OXSR1: variants seen among roughly 807,000 people sequenced by gnomAD.
The protein encoded by OXSR1 is oxidative stress responsive kinase 1, also known as serine/threonine-protein kinase OSR1.
OXSR1 carries 24 observed loss-of-function variants against 79.8 expected under a neutral mutation model. That is an observed-to-expected ratio of 0.30 (90% CI 0.22 to 0.42). The LOEUF (loss-of-function observed/expected upper bound fraction) is 0.42, where lower values mean the gene tolerates loss of function less well. OXSR1 is among the 10% of genes least tolerant of loss of function. OXSR1 has a pLI of 1.00. For synonymous variants in OXSR1, 226 were observed against 209.2 expected (o/e 1.08, Z -0.69); for missense variants, 430 against 618.4 (o/e 0.70, Z 3.23).
chr3:38,229,797 T>C lies in OXSR1; in HGVS notation c.885+62T>C, dbSNP rs188939821. 1.0e-4 allele frequency: 123 copies of C among 1,221,116 alleles called. No homozygotes were observed. The Admixed American group carries it at 2.2e-3, about 22-fold the overall frequency. 75.6% of individuals were successfully genotyped at this position (1,221,116 alleles called of 1,614,324 possible). A position where few individuals can be genotyped will look rare whatever the true frequency, so the allele number is the denominator to read the frequency against. On this transcript the variant is annotated intron_variant, in intron 9 of 17. Coordinates refer to ENST00000311806, the MANE Select transcript of OXSR1 (RefSeq NM_005109.3). Reference sequence around the variant, plus strand: ...GGATGCTCCTCAATTACTCAGATTATGTTCAGTGCTTAGAAGTTGGATGAT... The same window carrying C: ...GGATGCTCCTCAATTACTCAGATTACGTTCAGTGCTTAGAAGTTGGATGAT...
At chr3:38,203,196 A>G (rs1470970579) in intron 4 of OXSR1, among the ~76,000 whole-genome samples, 2 of 152,178 alleles carry the variant, frequency 1.3e-5, no homozygotes, top group African/African-American at 4.8e-5. Flanking sequence ...GACGTATGCT[A>G]CTGTCTCTCT....
At position 38,175,445 on chromosome 3, in the gene OXSR1, G is replaced by A. The variant is rs552589780; in HGVS notation, c.71-7558G>A. ...CTCCCAAGTAGCTGGGACTACAGGCGTGTGCCACCACACCCGGCTAATTTT... is the reference window on the plus strand; with the variant it reads ...CTCCCAAGTAGCTGGGACTACAGGCATGTGCCACCACACCCGGCTAATTTT... On this transcript the variant is annotated intron_variant, in intron 1 of 17. Coordinates refer to ENST00000311806, the MANE Select transcript of OXSR1 (RefSeq NM_005109.3). Among the ~76,000 whole-genome samples, 4 of 152,162 alleles carry A rather than the reference G, an allele frequency of 2.6e-5. No homozygotes were observed. In the South Asian group the frequency reaches 8.3e-4, roughly 32 times the overall value.
intron 1 of OXSR1, among the ~76,000 whole-genome samples, chr3:38,180,420 A>C (rs186233853): frequency 6.6e-6 from 1 of 152,114 alleles, no homozygotes; most frequent in Non-Finnish European, 1.5e-5. Flanking sequence ...CATACTATAT[A>C]CAGACTTTTG....
chr3:38,251,389 C>T lies in OXSR1; in HGVS notation c.1376-14C>T, dbSNP rs779465740. 5 of 1,610,600 alleles carry T rather than the reference C, an allele frequency of 3.1e-6. 1 individual carries two copies. In the South Asian group the frequency reaches 5.5e-5, roughly 18 times the overall value. ...CGCACAAAAAACAGAGCACTGTCTT[C>T]TTTGTCCTTGCAGATACAGCAGAGG... is the stretch of plus-strand genomic sequence containing the variant. On this transcript the variant is annotated splice_polypyrimidine_tract_variant and intron_variant, in intron 15 of 17. Transcript: ENST00000311806.
intron 5 of OXSR1, among the ~76,000 whole-genome samples, chr3:38,216,385 C>A (rs1369650498): frequency 6.6e-6 from 1 of 152,054 alleles, no homozygotes; most frequent in African/African-American, 2.4e-5. Flanking sequence ...TTCCAGCTAT[C>A]CACTCCTTAC....
chr3:38,232,060 T>C (rs951583485), intron 10 of OXSR1, among the ~76,000 whole-genome samples: 1 of 152,084 alleles, frequency 6.6e-6, no homozygotes. Context: ...TGAGCTGAGA[T>C]TGTGCCACTG....
intron 4 of OXSR1, among the ~76,000 whole-genome samples, chr3:38,206,376 TACTC>T (rs1053150196): frequency 1.3e-5 from 2 of 152,148 alleles, no homozygotes; most frequent in Non-Finnish European, 2.9e-5. Context: ...AAAAGGATGT[TACTC>T]ACTTAGTTAA....
At chr3:38,217,572 G>A (rs570860495) in intron 5 of OXSR1, among the ~76,000 whole-genome samples, 33 of 152,182 alleles carry the variant, frequency 2.2e-4, no homozygotes, top group Middle Eastern at 3.4e-3. Flanking sequence ...CTGTTGCCCA[G>A]GCTGGAGTGC....
At chr3:38,164,333 A>AGGG (rs1448451384), upstream of OXSR1, among the ~76,000 whole-genome samples, 8 of 152,126 alleles carry the variant, frequency 5.3e-5, no homozygotes, top group Non-Finnish European at 1.0e-4. Flanking sequence ...TTTAGTAGAG[A>AGGG]GGGAGTTTCA....
chr3:38,171,500 T>A (rs1210320568), intron 1 of OXSR1, among the ~76,000 whole-genome samples: 2 of 152,208 alleles, frequency 1.3e-5, no homozygotes, highest in Admixed American at 1.3e-4. Flanking sequence ...TGTAACATGT[T>A]TATTTGAACT....
chr3:38,211,261 C>CT (rs1188359928), intron 4 of OXSR1, among the ~76,000 whole-genome samples: 9 of 152,106 alleles, frequency 5.9e-5, no homozygotes, highest in African/African-American at 1.4e-4. Flanking sequence ...GAGCGGGACT[C>CT]TAAGTATCAG....
At chr3:38,169,664 C>G (rs868282466) in intron 1 of OXSR1, among the ~76,000 whole-genome samples, 13 of 150,464 alleles carry the variant, frequency 8.6e-5, no homozygotes, top group Middle Eastern at 3.2e-3. Context: ...TGTATTCATT[C>G]TGGGTATGCG....
intron 4 of OXSR1, among the ~76,000 whole-genome samples, chr3:38,206,175 T>C (rs1176236311): frequency 1.3e-5 from 2 of 152,184 alleles, no homozygotes; most frequent in Non-Finnish European, 2.9e-5. Flanking sequence ...ATTATTAATC[T>C]TACTTTGCTG....
chr3:38,223,663 C>T (rs973953318), intron 6 of OXSR1, 149 bp from the exon 7 acceptor site: 60 of 477,650 alleles, frequency 1.3e-4, no homozygotes, highest in Non-Finnish European at 1.7e-4. Context: ...TTGGTCAGGC[C>T]GGTCTTGAAC....
At chr3:38,247,824 T>TC in intron 14 of OXSR1, 92 bp downstream of exon 14, 1 of 724,958 alleles carries the variant, frequency 1.4e-6, no homozygotes, top group African/African-American at 1.7e-5. Flanking sequence ...CTGGATAGGA[T>TC]TGTATGTCCT....
intron 1 of OXSR1, among the ~76,000 whole-genome samples, chr3:38,178,408 G>T (rs956107365): frequency 6.6e-6 from 1 of 151,826 alleles, no homozygotes; most frequent in Non-Finnish European, 1.5e-5. Context: ...AAATTCTGTC[G>T]AATTATATAG....
intron 11 of OXSR1, among the ~76,000 whole-genome samples, chr3:38,237,312 T>C (rs1702939610): frequency 1.3e-5 from 2 of 152,208 alleles, no homozygotes; most frequent in African/African-American, 4.8e-5. Context: ...AAGTCTGTTA[T>C]CCTTCTACTA....
At chr3:38,231,075 T>G (rs973633203) in intron 10 of OXSR1, among the ~76,000 whole-genome samples, 1 of 152,166 alleles carries the variant, frequency 6.6e-6, no homozygotes, top group Non-Finnish European at 1.5e-5. Context: ...ACACCTTGTA[T>G]AATATAGTGG....
chr3:38,239,165 C>T (rs1702977301), intron 11 of OXSR1, among the ~76,000 whole-genome samples: 1 of 152,096 alleles, frequency 6.6e-6, no homozygotes, highest in Non-Finnish European at 1.5e-5. Context: ...ATATGTAATA[C>T]AGCTATGATA....
Sources: gnomAD v4.1 joint callset for allele counts (sites outside exome capture counted in the v4.1 genomes callset) on GRCh38, gnomAD v4.1.1 for gene constraint, MANE v1.5 for transcripts, NCBI Gene and HGNC (gene_info 2026-07-23, HGNC 2026-07-21) for gene names.